The following MX1 variants were observed in gnomAD, a reference collection of about 807,000 sequenced individuals.
The protein encoded by MX1 is MX dynamin like GTPase 1.
Under a neutral mutation model 66.4 loss-of-function variants are expected in MX1, and 66 were observed. The ratio of observed to expected loss-of-function variants is 0.99; its 90% CI spans 0.82 to 1.22. The LOEUF (loss-of-function observed/expected upper bound fraction) is 1.22, where lower values mean the gene tolerates loss of function less well. Among genes scored for constraint, MX1 ranks in the 50% most tolerant of loss-of-function variants. MX1 has a pLI of 0.00. For synonymous variants in MX1, 311 were observed against 318.1 expected (o/e 0.98, Z 0.24); for missense variants, 787 against 834.3 (o/e 0.94, Z 0.70).
In MX1 at chr21:41,441,667, C is replaced by T. The variant is rs1161219302; in HGVS notation, c.731-49C>T. 8.1e-6 allele frequency: 13 copies of T among 1,601,472 alleles called. No homozygotes were observed. The highest frequency in any genetic ancestry group is 2.7e-5 in the African/African-American group (2 of 74,774). ...GGCGTGAGCAGTTGTTCGTTCACCT[C>T]TGCCTCGTGACTGAGCACGTTCTCT... is the stretch of plus-strand genomic sequence containing the variant. On this transcript the variant is annotated intron_variant, in intron 9 of 16. Coordinates refer to ENST00000398598, the MANE Select transcript of MX1 (RefSeq NM_002462.5). The surrounding 1 kb of genome is among the most constrained non-coding windows in gnomAD (Gnocchi z 4.0).
chr21:41,435,363 A>C (rs2090330650), intron 5 of MX1, among the ~76,000 whole-genome samples: 1 of 152,136 alleles, frequency 6.6e-6, no homozygotes, highest in Non-Finnish European at 1.5e-5. Flanking sequence ...TCTCTCTTCC[A>C]TTCTCTTTTG....
intron 16 of MX1, 134 bp downstream of exon 16, chr21:41,453,003 A>G (rs2090873857): frequency 5.9e-6 from 6 of 1,018,950 alleles, no homozygotes; most frequent in Non-Finnish European, 8.7e-6. Context: ...AGCCTCCTGT[A>G]TTAGTCCATT....
Position 41,449,173 on chromosome 21 carries a change from A to C in MX1, c.1310A>C (p.Glu437Ala), listed in dbSNP as rs1422097847. 5 of 1,612,434 alleles carry C rather than the reference A, an allele frequency of 3.1e-6. No individual in the cohort carries two copies. Among genetic ancestry groups the C allele is most frequent in the Non-Finnish European group, 4.2e-6 (5 of 1,179,572 alleles). ...KILSRKIQKFENQYRGRELPG... is the reference protein window; with the variant it reads ...KILSRKIQKFANQYRGRELPG... Reference sequence around the variant, plus strand: ...TTGAGTAGAAAAATCCAGAAATTTGAAAATCAGTATCGTGGTAGAGAGCTG... The same window carrying C: ...TTGAGTAGAAAAATCCAGAAATTTGCAAATCAGTATCGTGGTAGAGAGCTG... The change falls in exon 14 of 17, where the codon GAA becomes GCA. Residue 437 changes from glutamate (E) to alanine (A), a missense_variant. Coordinates refer to ENST00000398598, the MANE Select transcript of MX1 (RefSeq NM_002462.5).
chr21:41,441,238 C>T lies in MX1; in HGVS notation c.730+213C>T, dbSNP rs1397669475. The T allele has an allele frequency of 1.4e-5, 9 of 626,082 alleles. No individual in the cohort carries two copies. The highest frequency in any genetic ancestry group is 2.4e-5 in the Non-Finnish European group (9 of 380,008). 38.8% of individuals were successfully genotyped at this position (626,082 alleles called of 1,614,324 possible). ...TTTGCTCAGTGGGGACCTGCCTCCA[C>T]TAAGACCTGCTAAGGGAGCAGGTTT... On this transcript the variant is annotated intron_variant, in intron 9 of 16. Coordinates refer to ENST00000398598, the MANE Select transcript of MX1 (RefSeq NM_002462.5). The surrounding 1 kb of genome is among the most constrained non-coding windows in gnomAD (Gnocchi z 4.0).
rs1344127350 is a variant in MX1, at chr21:41,431,160, C to T, written c.-22+552C>T. On this transcript the variant is annotated intron_variant, in intron 4 of 16. Transcript: ENST00000398598. ...GCCTCAGCCTCCCAAGTAGCTGGGA[C>T]TACAAACACACACCACCACTTCCAG... 2.0e-5 allele frequency among the ~76,000 whole-genome samples: 3 copies of T among 151,984 alleles called. No homozygotes were observed. In the East Asian group the frequency reaches 5.8e-4, roughly 30 times the overall value.
chr21:41,427,415 A>T (rs894837696), intron 2 of MX1, 111 bp downstream of exon 2: 1 of 152,288 alleles, frequency 6.6e-6, no homozygotes, highest in Non-Finnish European at 1.5e-5. Flanking sequence ...AGAAAAGGTG[A>T]ATGTCAGTCC....
chr21:41,452,756 G>T lies in MX1; in HGVS notation c.1645G>T (p.Glu549Ter). The change falls in exon 16 of 17, where the codon GAG (glutamate) becomes TAG (stop). Residue 549 changes from glutamate (E) to a stop codon, truncating the protein, a stop_gained. Coordinates refer to ENST00000398598, the MANE Select transcript of MX1 (RefSeq NM_002462.5). LOFTEE classifies it high-confidence loss of function. Reference protein sequence around the residue: ...RGALQKVREKELEEEKKKKSW... With the variant: ...RGALQKVREK ...TGCATTGCAGAAGGTCAGAGAGAAG[G>T]AGCTGGAAGAAGAAAAGAAGAAGAA... 6.2e-7 allele frequency: 1 copy of T among 1,614,184 alleles called. No homozygotes were observed. Among genetic ancestry groups the T allele is most frequent in the Non-Finnish European group, 8.5e-7 (1 of 1,180,042 alleles).
Position 41,441,320 on chromosome 21 carries a change from C to T in MX1, c.730+295C>T, listed in dbSNP as rs1487653857. The T allele has an allele frequency of 4.6e-6, 2 of 436,816 alleles. No individual in the cohort carries two copies. Among genetic ancestry groups the T allele is most frequent in the Admixed American group, 7.7e-5 (2 of 26,118 alleles). The allele number at this position is 436,816 out of a possible 1,614,324, so 27.1% of individuals were successfully genotyped here. The stretch of plus-strand genomic sequence containing the variant: ...CTTTTGACTCTCACTGGCTAGGTTG[C>T]CTTGTAAGCCTTATCTACTTGCTCA... On this transcript the variant is annotated intron_variant, in intron 9 of 16. Coordinates refer to ENST00000398598, the MANE Select transcript of MX1 (RefSeq NM_002462.5). The surrounding 1 kb of genome is among the most constrained non-coding windows in gnomAD (Gnocchi z 4.0).
At chr21:41,436,688 A>G (rs1398096071) in intron 6 of MX1, among the ~76,000 whole-genome samples, 3 of 152,106 alleles carry the variant, frequency 2.0e-5, no homozygotes, top group African/African-American at 7.2e-5. Context: ...ATAATGGAAG[A>G]TGTTCGGATG....
chr21:41,423,116 A>T (rs2090009630), upstream of MX1: 2 of 153,138 alleles, frequency 1.3e-5, no homozygotes, highest in African/African-American at 4.8e-5. Context: ...AGGCACTTAG[A>T]CATGCGGGAA....
At chr21:41,446,345 A>C (rs192084957) in intron 13 of MX1, among the ~76,000 whole-genome samples, 4,513 of 152,276 alleles carry the variant, frequency 0.03, 182 homozygotes, top group East Asian at 0.16. Flanking sequence ...GGGATAAGGG[A>C]CGAACAAGCT....
At chr21:41,439,033 C>T (rs926704044) in intron 7 of MX1, among the ~76,000 whole-genome samples, 5 of 152,228 alleles carry the variant, frequency 3.3e-5, no homozygotes, top group African/African-American at 1.2e-4. Flanking sequence ...AACCCGATCT[C>T]ATGACCACAT....
chr21:41,450,660 T>G (rs958622679), intron 14 of MX1, among the ~76,000 whole-genome samples: 1 of 152,128 alleles, frequency 6.6e-6, no homozygotes, highest in African/African-American at 2.4e-5. Flanking sequence ...GACATGGAGA[T>G]CAATAAGAGG....
rs1184643934 is a variant in MX1, at chr21:41,441,092, G to T, written c.730+67G>T. 3 of 1,401,256 alleles carry T rather than the reference G, an allele frequency of 2.1e-6. No individual in the cohort carries two copies. The Admixed American group carries it at 6.1e-5, about 28-fold the overall frequency. 86.8% of individuals were successfully genotyped at this position (1,401,256 alleles called of 1,614,324 possible). A position where few individuals can be genotyped will look rare whatever the true frequency, so the allele number is the denominator to read the frequency against. ...GAGCCCGCCTGTGCTCGGTGAGAAT[G>T]GGGGAGCCCACCTGTGCTCGGTGAG... On this transcript the variant is annotated intron_variant, in intron 9 of 16. Coordinates refer to ENST00000398598, the MANE Select transcript of MX1 (RefSeq NM_002462.5). This position sits in a 1 kb window ranked among gnomAD's most constrained non-coding sequence, Gnocchi z 4.0.
chr21:41,446,127 A>C lies in MX1; in HGVS notation c.1259A>C (p.Asn420Thr). 1 of 1,613,964 alleles carries C rather than the reference A, an allele frequency of 6.2e-7. No individual in the cohort carries two copies. The highest frequency in any genetic ancestry group is 8.5e-7 in the Non-Finnish European group (1 of 1,179,940). Residue 420 changes from asparagine (N) to threonine (T), a missense_variant, in exon 13 of 17, where the codon AAC becomes ACC. Transcript: ENST00000398598. ...CACAAATGGAGTACAATAATTGAAA[A>C]CAATTTTCAAGAAGGTGAGTGTCTT... Reference protein sequence around the residue: ...EFHKWSTIIENNFQEGHKILS... With the variant: ...EFHKWSTIIETNFQEGHKILS...
At chr21:41,434,775 A>G (rs1568972605) in intron 5 of MX1, among the ~76,000 whole-genome samples, 1 of 152,300 alleles carries the variant, frequency 6.6e-6, no homozygotes, top group Non-Finnish European at 1.5e-5. Context: ...CCCACAATAC[A>G]TTGTTATTAT....
intron 14 of MX1, among the ~76,000 whole-genome samples, chr21:41,450,557 CTT>C (rs1292615718): frequency 4.6e-5 from 7 of 152,246 alleles, no homozygotes; most frequent in Non-Finnish European, 8.8e-5. Flanking sequence ...ATTGTAGACT[CTT>C]AACTCATTCC....
At position 41,435,416 on chromosome 21, in the gene MX1, G is replaced by A. The variant is rs537743405; in HGVS notation, c.106-421G>A. ...TGTATTAGACTTATTGAAGTTGGCC[G>A]TCTTTAATGGAGTGTATTGGTTCAT... is the stretch of plus-strand genomic sequence containing the variant. On this transcript the variant is annotated intron_variant, in intron 5 of 16. Transcript: ENST00000398598. Among the ~76,000 whole-genome samples, 17 of 152,234 alleles carry A rather than the reference G, an allele frequency of 1.1e-4. No homozygotes were observed. In the South Asian group the frequency reaches 1.2e-3, roughly 11 times the overall value.
In MX1 at chr21:41,449,130, GCTAT is replaced by G; in HGVS notation, c.1274-6_1274-3del. The G allele has an allele frequency of 6.2e-7, 1 of 1,602,034 alleles. No homozygotes were observed. Among genetic ancestry groups the G allele is most frequent in the South Asian group, 1.1e-5 (1 of 89,070 alleles). ...AATAATTTAGAGGGTTTTTTTTCCT[GCTAT>G]AGGCCATAAAATTTTGAGTAGAAAA... On this transcript the variant is annotated splice_polypyrimidine_tract_variant and splice_region_variant and intron_variant, in intron 13 of 16. Coordinates refer to ENST00000398598, the MANE Select transcript of MX1 (RefSeq NM_002462.5).
Sources: gnomAD v4.1 joint callset for allele counts (sites outside exome capture counted in the v4.1 genomes callset) on GRCh38, gnomAD v4.1.1 for gene constraint, Gnocchi (gnomAD v3.1) non-coding constraint, MANE v1.5 for transcripts, NCBI Gene and HGNC (gene_info 2026-07-23, HGNC 2026-07-21) for gene names.